Variants in NAV3 observed in about 807,000 individuals in gnomAD.
NAV3 encodes neuron navigator 3, also known as pore membrane and/or filament interacting like protein 1.
NAV3 carries 87 observed loss-of-function variants against 244.7 expected under a neutral mutation model. That is an observed-to-expected ratio of 0.36 (90% CI 0.30 to 0.42). The LOEUF (loss-of-function observed/expected upper bound fraction) is 0.42. Among genes scored for constraint, NAV3 ranks in the 20% least tolerant of loss-of-function variants. NAV3 has a pLI of 1.00. For missense variants in NAV3, 2,663 were observed against 2,893.3 expected (o/e 0.92, Z 1.83); for synonymous variants, 1,126 against 1,042.2 (o/e 1.08, Z -1.55).
chr12:78,062,049 A>G (rs566653063), intron 12 of NAV3, among the ~76,000 whole-genome samples: 1 of 152,252 alleles, frequency 6.6e-6, no homozygotes, highest in Admixed American at 6.5e-5. Context: ...TTTTCAAAGC[A>G]TATCTTCTCT....
At chr12:77,972,495 G>A (rs1893079153) in intron 5 of NAV3, among the ~76,000 whole-genome samples, 1 of 151,808 alleles carries the variant, frequency 6.6e-6, no homozygotes, top group African/African-American at 2.4e-5. Flanking sequence ...TCAATATCTT[G>A]CTATATTCCG....
intron 2 of NAV3, among the ~76,000 whole-genome samples, chr12:77,682,241 A>G (rs1874507610): frequency 6.6e-6 from 1 of 152,134 alleles, no homozygotes; most frequent in Non-Finnish European, 1.5e-5. Flanking sequence ...CATATGAATG[A>G]GATCATGTGG....
At chr12:77,808,689 A>G (rs961647117) in intron 2 of NAV3, among the ~76,000 whole-genome samples, 1 of 152,190 alleles carries the variant, frequency 6.6e-6, no homozygotes. Flanking sequence ...ATTCCTTAGC[A>G]GAGCTCCAGC....
At chr12:77,738,426 T>A (rs148871645) in intron 2 of NAV3, among the ~76,000 whole-genome samples, 23 of 152,288 alleles carry the variant, frequency 1.5e-4, no homozygotes, top group African/African-American at 5.5e-4. Context: ...AGTTAGTGAG[T>A]GCTCAATAAA....
At chr12:78,022,264 T>A (rs1877280696) in intron 9 of NAV3, among the ~76,000 whole-genome samples, 1 of 152,226 alleles carries the variant, frequency 6.6e-6, no homozygotes, top group South Asian at 2.1e-4. Flanking sequence ...ATGACCATTC[T>A]AAAAAACTCT....
intron 2 of NAV3, among the ~76,000 whole-genome samples, chr12:77,797,265 G>A (rs1022686303): frequency 6.6e-6 from 1 of 152,026 alleles, no homozygotes; most frequent in Admixed American, 6.5e-5. Flanking sequence ...AAATTGCCCA[G>A]CTACCCAGTA....
At chr12:77,749,893 T>A (rs1271260794) in intron 2 of NAV3, among the ~76,000 whole-genome samples, 1 of 152,200 alleles carries the variant, frequency 6.6e-6, no homozygotes, top group African/African-American at 2.4e-5. Flanking sequence ...ATGCTAGAGT[T>A]CTTTTCTTTC....
chr12:77,910,180 G>A (rs1051727763), intron 1 of NAV3, among the ~76,000 whole-genome samples: 6 of 151,920 alleles, frequency 3.9e-5, no homozygotes, highest in African/African-American at 1.5e-4. Flanking sequence ...GTTTATTTTG[G>A]CTCACAGTTC....
At chr12:77,827,145 A>G (rs1377608959), upstream of NAV3, among the ~76,000 whole-genome samples, 1 of 151,298 alleles carries the variant, frequency 6.6e-6, no homozygotes, top group African/African-American at 2.4e-5. Flanking sequence ...AGGCATGAGA[A>G]TCGCTTGAAC....
intron 6 of NAV3, among the ~76,000 whole-genome samples, chr12:77,995,621 G>A (rs1040474187): frequency 1.3e-5 from 2 of 152,142 alleles, no homozygotes; most frequent in African/African-American, 4.8e-5. Context: ...TTCCATTGAT[G>A]AATCATATTA....
intron 2 of NAV3, among the ~76,000 whole-genome samples, chr12:77,678,823 G>A (rs1183216225): frequency 6.9e-6 from 1 of 145,610 alleles, no homozygotes; most frequent in African/African-American, 2.8e-5. Flanking sequence ...TAATCCCAGA[G>A]CGATCAGAAG....
intron 2 of NAV3, among the ~76,000 whole-genome samples, chr12:77,605,634 T>C (rs1870637535): frequency 1.3e-5 from 2 of 152,162 alleles, no homozygotes; most frequent in Non-Finnish European, 2.9e-5. Flanking sequence ...AATCTTTTCT[T>C]AGAGGGAAGT....
chr12:78,098,987 A>G (rs919922478), intron 12 of NAV3, among the ~76,000 whole-genome samples: 6 of 150,552 alleles, frequency 4.0e-5, no homozygotes, highest in Admixed American at 1.3e-4. Flanking sequence ...TGGCACTGTC[A>G]TATGGGTGGC....
intron 1 of NAV3, among the ~76,000 whole-genome samples, chr12:77,833,981 A>ATGTGTTCCTTTCGACGTCCAGCCGCTTG (rs1179712312): frequency 2.7e-5 from 4 of 149,940 alleles, no homozygotes; most frequent in Non-Finnish European, 5.9e-5. Context: ...CCAGCCGCTT[A>ATGTGTTCCTTTCGACGTCCAGCCGCTTG]TGTGTTCCTT....
At chr12:78,051,911 G>A (rs999292134) in intron 11 of NAV3, among the ~76,000 whole-genome samples, 2 of 152,168 alleles carry the variant, frequency 1.3e-5, no homozygotes, top group Non-Finnish European at 2.9e-5. Context: ...CAATGTTTAT[G>A]AGGTAGATGT....
intron 1 of NAV3, among the ~76,000 whole-genome samples, chr12:77,928,602 A>G (rs1431260064): frequency 2.0e-5 from 3 of 152,182 alleles, no homozygotes; most frequent in Admixed American, 6.5e-5. Flanking sequence ...TGATTTGACT[A>G]TGAATGACAT....
chr12:77,600,244 T>C (rs1870363104), intron 2 of NAV3, among the ~76,000 whole-genome samples: 1 of 151,986 alleles, frequency 6.6e-6, no homozygotes, highest in South Asian at 2.1e-4. Flanking sequence ...TGGTACAGCA[T>C]ATCTTTGGCA....
intron 2 of NAV3, among the ~76,000 whole-genome samples, chr12:77,822,229 A>G (rs1872774150): frequency 1.3e-5 from 2 of 152,178 alleles, no homozygotes; most frequent in Admixed American, 1.3e-4. Context: ...AGCATATATA[A>G]ACAATTTCCA....
chr12:77,784,093 A>T (rs1473997281), intron 2 of NAV3, among the ~76,000 whole-genome samples: 1 of 152,170 alleles, frequency 6.6e-6, no homozygotes, highest in East Asian at 1.9e-4. Flanking sequence ...AATTTAATAG[A>T]GACTTTCTGA....
Sources: allele counts gnomAD v4.1 joint callset (sites outside exome capture counted in the v4.1 genomes callset), GRCh38; gene constraint gnomAD v4.1.1; transcripts MANE v1.5; gene names NCBI Gene and HGNC (gene_info 2026-07-23, HGNC 2026-07-21).